The following APBA2 variants were observed in gnomAD, a reference collection of about 807,000 sequenced individuals.
APBA2 encodes amyloid-beta A4 precursor protein-binding family A member 2.
Under a neutral mutation model 75.0 loss-of-function variants are expected in APBA2, and 30 were observed. The ratio of observed to expected loss-of-function variants is 0.40; its 90% CI spans 0.30 to 0.54. APBA2 has a LOEUF of 0.54. Among genes scored for constraint, APBA2 ranks in the 20% least tolerant of loss-of-function variants. The pLI, the probability that APBA2 is intolerant of heterozygous loss-of-function variation, is 0.49. For missense variants in APBA2, 801 were observed against 1,016.1 expected (o/e 0.79, Z 2.88); for synonymous variants, 444 against 409.6 (o/e 1.08, Z -1.01).
chr15:28,922,503 G>A (rs531533724), intron 2 of APBA2, among the ~76,000 whole-genome samples: 6 of 152,298 alleles, frequency 3.9e-5, no homozygotes, highest in Admixed American at 6.5e-5. Flanking sequence ...GCCAGCCATT[G>A]TCCCGCAGGA....
chr15:29,055,165 T>A (rs949307733), intron 4 of APBA2, among the ~76,000 whole-genome samples: 4 of 152,090 alleles, frequency 2.6e-5, no homozygotes, highest in African/African-American at 7.2e-5. Context: ...TGGGGCAGTA[T>A]GTGTGGGAGA....
intron 1 of APBA2, among the ~76,000 whole-genome samples, chr15:28,909,993 C>T (rs1448716013): frequency 2.6e-5 from 4 of 152,120 alleles, no homozygotes; most frequent in Non-Finnish European, 2.9e-5. Flanking sequence ...ACTCACCTCT[C>T]ATAATGGGAT....
intron 3 of APBA2, among the ~76,000 whole-genome samples, chr15:29,004,950 G>T (rs144294077): frequency 1.7e-4 from 26 of 152,292 alleles, no homozygotes; most frequent in African/African-American, 5.1e-4. Flanking sequence ...AAAGTGCTGG[G>T]GTTACAGGCG....
At chr15:28,931,531 A>T (rs963229116) in intron 2 of APBA2, among the ~76,000 whole-genome samples, 1 of 152,180 alleles carries the variant, frequency 6.6e-6, no homozygotes, top group African/African-American at 2.4e-5. Context: ...GGGCCCAAAC[A>T]TCCACTGCCC....
intron 2 of APBA2, chr15:28,976,912 G>A (rs1037331362): frequency 6.6e-6 from 1 of 152,274 alleles, no homozygotes; most frequent in Admixed American, 6.5e-5. Context: ...CAATGGTATT[G>A]TTAAAACTTA....
At chr15:29,083,199 G>A (rs1416652560) in intron 6 of APBA2, among the ~76,000 whole-genome samples, 8 of 151,964 alleles carry the variant, frequency 5.3e-5, no homozygotes, top group African/African-American at 1.9e-4. Context: ...TACATTTTAG[G>A]CATTTTGTCC....
chr15:28,964,210 T>A (rs940963318), intron 2 of APBA2, among the ~76,000 whole-genome samples: 1 of 152,348 alleles, frequency 6.6e-6, no homozygotes, highest in African/African-American at 2.4e-5. Flanking sequence ...TAAATTCATT[T>A]TTACTTTTAA....
intron 13 of APBA2, among the ~76,000 whole-genome samples, chr15:29,110,408 T>A (rs966110854): frequency 6.6e-6 from 1 of 152,182 alleles, no homozygotes; most frequent in African/African-American, 2.4e-5. Flanking sequence ...CTGCACCCCC[T>A]TGCCCAGCCT....
intron 1 of APBA2, among the ~76,000 whole-genome samples, chr15:28,920,544 A>C (rs1171566121): frequency 6.6e-6 from 1 of 152,204 alleles, no homozygotes; most frequent in Non-Finnish European, 1.5e-5. Context: ...CAAAATGGAC[A>C]CTACTCCTTC....
intron 1 of APBA2, among the ~76,000 whole-genome samples, chr15:28,902,071 C>T (rs886626189): frequency 2.0e-5 from 3 of 151,350 alleles, no homozygotes; most frequent in Non-Finnish European, 2.9e-5. Flanking sequence ...CATAAAAACC[C>T]GAAGGTAAAG....
At position 29,065,137 on chromosome 15, in the gene APBA2, C is replaced by G. The variant is rs150835283; in HGVS notation, c.952-9784C>G. On this transcript the variant is annotated intron_variant, in intron 4 of 14. Transcript: ENST00000683413. ...CATTGGGTATGGGACCCAGGCTGTC[C>G]ACGTGCGTCTGCTTCTTGAGGCCCC... Among the ~76,000 whole-genome samples, 394 of 152,106 alleles carry G rather than the reference C, an allele frequency of 2.6e-3. 3 individuals are homozygous for G. Among genetic ancestry groups the G allele is most frequent in the African/African-American group, 8.9e-3 (369 of 41,464 alleles).
chr15:29,081,795 C>T (rs1310343120), intron 6 of APBA2, among the ~76,000 whole-genome samples: 2 of 152,242 alleles, frequency 1.3e-5, no homozygotes, highest in African/African-American at 2.4e-5. Context: ...TTAACCAGCC[C>T]CCTTGGACTG....
At chr15:29,063,136 A>G (rs1595871943) in intron 4 of APBA2, among the ~76,000 whole-genome samples, 3 of 57,250 alleles carry the variant, frequency 5.2e-5, no homozygotes, top group African/African-American at 6.5e-5. Context: ...TGGGGAGGGG[A>G]GTTGATCTGG....
At chr15:29,001,065 T>A (rs1028183899) in intron 3 of APBA2, among the ~76,000 whole-genome samples, 2 of 151,840 alleles carry the variant, frequency 1.3e-5, no homozygotes, top group Non-Finnish European at 2.9e-5. Context: ...GACATCTGAG[T>A]CCACAGCCCT....
intron 13 of APBA2, among the ~76,000 whole-genome samples, chr15:29,113,557 G>A (rs1431050275): frequency 6.6e-6 from 1 of 152,132 alleles, no homozygotes; most frequent in African/African-American, 2.4e-5. Flanking sequence ...AGGCCAGGTG[G>A]CAGTGGCCTT....
At chr15:29,101,490 C>T in intron 9 of APBA2, 109 bp from the exon 10 acceptor site, 1 of 1,292,098 alleles carries the variant, frequency 7.7e-7, no homozygotes, top group African/African-American at 1.5e-5. Context: ...CCTCGGCCTC[C>T]CAAAGTGCTA....
chr15:28,957,228 G>C (rs561191498), intron 2 of APBA2, among the ~76,000 whole-genome samples: 2,430 of 142,002 alleles, frequency 0.017, 72 homozygotes, highest in African/African-American at 0.07. Flanking sequence ...GCCCGCCACC[G>C]TGCCTGGCTA....
chr15:28,972,873 C>T (rs1357533191), intron 2 of APBA2, among the ~76,000 whole-genome samples: 1 of 152,216 alleles, frequency 6.6e-6, no homozygotes, highest in African/African-American at 2.4e-5. Flanking sequence ...AAATACTCCT[C>T]CTGAAAAAAC....
intron 1 of APBA2, among the ~76,000 whole-genome samples, chr15:28,919,910 T>G (rs2033883542): frequency 6.6e-6 from 1 of 152,220 alleles, no homozygotes; most frequent in African/African-American, 2.4e-5. Flanking sequence ...TGGCATGTTC[T>G]GTGGCAGCTT....
Sources: gnomAD v4.1 joint callset for allele counts (sites outside exome capture counted in the v4.1 genomes callset) on GRCh38, gnomAD v4.1.1 for gene constraint, MANE v1.5 for transcripts, NCBI Gene and HGNC (gene_info 2026-07-23, HGNC 2026-07-21) for gene names.